Variants in EIF2B3 observed in about 807,000 individuals in gnomAD.
EIF2B3 encodes eukaryotic translation initiation factor 2B subunit gamma, also known as translation initiation factor eIF2B subunit gamma.
Under a neutral mutation model 54.1 loss-of-function variants are expected in EIF2B3, and 20 were observed. That is an observed-to-expected ratio of 0.37 (90% CI 0.26 to 0.54). EIF2B3 has a LOEUF of 0.54. Ranked by LOEUF, EIF2B3 falls within the 20% of genes least tolerant of loss-of-function variation. EIF2B3 has a pLI of 0.86. For synonymous variants in EIF2B3, 153 were observed against 188.1 expected (o/e 0.81, Z 1.52); for missense variants, 448 against 547.8 (o/e 0.82, Z 1.82).
At chr1:44,858,070 CTTTT>C (rs3044232) in intron 10 of EIF2B3, among the ~76,000 whole-genome samples, 1 of 127,404 alleles carries the variant, frequency 7.8e-6, no homozygotes, top group Non-Finnish European at 1.6e-5. Flanking sequence ...ACTTCAGTTC[CTTTT>C]TTTTTTTTTT....
chr1:44,943,824 G>T (rs1644066573), intron 3 of EIF2B3, among the ~76,000 whole-genome samples: 1 of 152,122 alleles, frequency 6.6e-6, no homozygotes, highest in Non-Finnish European at 1.5e-5. Context: ...TATAACTAAA[G>T]AATCTGTATT....
chr1:44,884,310 G>T (rs1396416909), intron 6 of EIF2B3, among the ~76,000 whole-genome samples: 1 of 152,120 alleles, frequency 6.6e-6, no homozygotes, highest in Non-Finnish European at 1.5e-5. Flanking sequence ...GTGAAAGTAT[G>T]GGCAGCTCTA....
At chr1:44,866,558 ATTT>A (rs751796128) in intron 10 of EIF2B3, among the ~76,000 whole-genome samples, 1 of 144,156 alleles carries the variant, frequency 6.9e-6, no homozygotes. Flanking sequence ...GGCTATGACA[ATTT>A]TTTTTTTTTT....
chr1:44,979,707 T>C (rs1305720860), intron 2 of EIF2B3, among the ~76,000 whole-genome samples: 1 of 151,524 alleles, frequency 6.6e-6, no homozygotes, highest in Non-Finnish European at 1.5e-5. Context: ...CTCACACCTG[T>C]AATTCCAACA....
At chr1:44,879,165 CA>C (rs959964545) in intron 8 of EIF2B3, among the ~76,000 whole-genome samples, 1 of 152,156 alleles carries the variant, frequency 6.6e-6, no homozygotes, top group African/African-American at 2.4e-5. Context: ...CTATACAATA[CA>C]GAGTTCCTTT....
At chr1:44,941,451 T>C (rs1644020381) in intron 4 of EIF2B3, 55 bp downstream of exon 4, 5 of 1,547,572 alleles carry the variant, frequency 3.2e-6, no homozygotes, top group Non-Finnish European at 4.4e-6. Context: ...AAAGCATGAG[T>C]GAGAATAATA....
intron 3 of EIF2B3, among the ~76,000 whole-genome samples, chr1:44,952,556 A>AT (rs34153088): frequency 0.027 from 3,750 of 141,478 alleles, 57 homozygotes; most frequent in Non-Finnish European, 0.032. Context: ...CTTTTCTCCA[A>AT]TTTTTTTTTT....
In EIF2B3 at chr1:44,967,755, A is replaced by C. The variant is rs868797333; in HGVS notation, c.294+10560T>G. Among the ~76,000 whole-genome samples, 48 of 149,904 alleles carry C rather than the reference A, an allele frequency of 3.2e-4. 1 individual carries two copies. In the South Asian group the frequency reaches 8.4e-3, roughly 26 times the overall value. The stretch of plus-strand genomic sequence containing the variant: ...TGCTGTCTTCAAAAAAAAAAAAAAA[A>C]AAAAGGCCAGGCACGGTGTCACGCC... On this transcript the variant is annotated intron_variant, in intron 3 of 11. Transcript: ENST00000360403.
At chr1:44,977,617 G>A (rs577657499) in intron 3 of EIF2B3, among the ~76,000 whole-genome samples, 8 of 151,904 alleles carry the variant, frequency 5.3e-5, no homozygotes, top group South Asian at 2.1e-4. Flanking sequence ...GATGTGCACC[G>A]CCATGCCCAG....
chr1:44,901,781 G>A (rs187413704), intron 5 of EIF2B3, among the ~76,000 whole-genome samples: 1 of 151,908 alleles, frequency 6.6e-6, no homozygotes. Flanking sequence ...GGCTGGTCTT[G>A]AACTCCTGGT....
At chr1:44,887,826 AG>A (rs1309126438) in intron 6 of EIF2B3, among the ~76,000 whole-genome samples, 1 of 152,132 alleles carries the variant, frequency 6.6e-6, no homozygotes, top group Admixed American at 6.5e-5. Context: ...TGAACTCGGG[AG>A]GCAGAGGTTG....
Position 44,881,596 on chromosome 1 carries a change from C to G in EIF2B3, c.784+16G>C, listed in dbSNP as rs755279788. 1 of 1,613,800 alleles carries G rather than the reference C, an allele frequency of 6.2e-7. No homozygotes were observed. Among genetic ancestry groups the G allele is most frequent in the Non-Finnish European group, 8.5e-7 (1 of 1,179,808 alleles). Reference sequence around the variant, plus strand: ...GCTACCCTTGCCCCTCTTACTGAACCAACCCAAGAACTGACCTAAGGACTT... The same window carrying G: ...GCTACCCTTGCCCCTCTTACTGAACGAACCCAAGAACTGACCTAAGGACTT... On this transcript the variant is annotated intron_variant, in intron 7 of 11. Transcript: ENST00000360403. This position sits in a 1 kb window ranked among gnomAD's most constrained non-coding sequence, Gnocchi z 4.0.
chr1:44,853,993 T>C (rs1336487117), intron 11 of EIF2B3, among the ~76,000 whole-genome samples: 10 of 137,342 alleles, frequency 7.3e-5, no homozygotes, highest in Non-Finnish European at 1.1e-4. Flanking sequence ...TAGCAGTTAG[T>C]GTTTTTTTTT....
intron 5 of EIF2B3, among the ~76,000 whole-genome samples, chr1:44,917,696 G>A (rs1365003426): frequency 7.2e-6 from 1 of 138,114 alleles, no homozygotes; most frequent in African/African-American, 2.7e-5. Context: ...CCCCAGATAT[G>A]CCCATTTGTA....
At chr1:44,863,470 A>G (rs536308441) in intron 10 of EIF2B3, among the ~76,000 whole-genome samples, 106 of 152,310 alleles carry the variant, frequency 7.0e-4, no homozygotes, top group Middle Eastern at 6.8e-3. Flanking sequence ...CCTGGCCTCA[A>G]GTGATCCTTC....
intron 10 of EIF2B3, among the ~76,000 whole-genome samples, chr1:44,868,759 A>G (rs577470804): frequency 1.4e-4 from 22 of 152,362 alleles, no homozygotes; most frequent in Admixed American, 3.9e-4. Flanking sequence ...ACCTGGAACC[A>G]GGTGATCAAA....
At chr1:44,970,431 C>A (rs975888483) in intron 3 of EIF2B3, among the ~76,000 whole-genome samples, 2 of 152,126 alleles carry the variant, frequency 1.3e-5, no homozygotes, top group Admixed American at 6.6e-5. Flanking sequence ...AAAGATAAAA[C>A]CAAAAGCCAA....
intron 10 of EIF2B3, among the ~76,000 whole-genome samples, chr1:44,869,564 T>C (rs1479212299): frequency 6.7e-6 from 1 of 148,970 alleles, no homozygotes; most frequent in African/African-American, 2.5e-5. Flanking sequence ...CATTTTATAA[T>C]GAGAAAATCA....
At chr1:44,951,791 CTTTT>C (rs59135544) in intron 3 of EIF2B3, among the ~76,000 whole-genome samples, 5 of 140,036 alleles carry the variant, frequency 3.6e-5, no homozygotes, top group African/African-American at 1.3e-4. Flanking sequence ...CTCCCTTCCT[CTTTT>C]TTTTTTTTTT....
Sources: allele counts gnomAD v4.1 joint callset (sites outside exome capture counted in the v4.1 genomes callset), GRCh38; gene constraint gnomAD v4.1.1; non-coding constraint Gnocchi (gnomAD v3.1); transcripts MANE v1.5; gene names NCBI Gene and HGNC (gene_info 2026-07-23, HGNC 2026-07-21).